UGT1A8: variants seen among roughly 807,000 people sequenced by gnomAD.
UGT1A8 encodes the protein UDP glucuronosyltransferase family 1 member A8, also known as UDP-glucuronosyltransferase 1A8.
In UGT1A8, 39 loss-of-function variants were observed where a neutral mutation model predicts 45.3. That is an observed-to-expected ratio of 0.86 (90% confidence interval 0.67 to 1.12). The LOEUF (loss-of-function observed/expected upper bound fraction) is 1.12. UGT1A8 is among the 50% of genes most tolerant of loss of function. UGT1A8 has a pLI of 0.00. For synonymous variants in UGT1A8, 275 were observed against 249.2 expected, an observed-to-expected ratio of 1.10 and a Z score of -0.97; for missense variants, 719 against 664.9, an observed-to-expected ratio of 1.08 and a Z score of -0.90.
chr2:233,654,622 A>G (rs2073814521), intron 1 of UGT1A8, among the ~76,000 whole-genome samples: 1 of 152,256 alleles, frequency 6.6e-6, no homozygotes, highest in Admixed American at 6.5e-5. Flanking sequence ...TATAAAATGC[A>G]AAACTACTGA....
chr2:233,762,475 C>A (rs1173865347), intron 1 of UGT1A8, among the ~76,000 whole-genome samples: 1 of 152,106 alleles, frequency 6.6e-6, no homozygotes, highest in East Asian at 1.9e-4. Flanking sequence ...ATGGATATCA[C>A]TCCAGTTTTA....
intron 1 of UGT1A8, among the ~76,000 whole-genome samples, chr2:233,728,059 C>T (rs2077678124): frequency 1.3e-5 from 2 of 152,228 alleles, no homozygotes; most frequent in South Asian, 2.1e-4. Context: ...GGCTTGAGGC[C>T]CTTGTGAGTG....
Position 233,713,325 on chromosome 2 carries a change from A to G in UGT1A8, c.856-53709A>G, listed in dbSNP as rs1186303937. The G allele has an allele frequency of 4.3e-6, 7 of 1,614,262 alleles. No individual in the cohort carries two copies. The Middle Eastern group carries it at 6.6e-4, about 152-fold the overall frequency. On this transcript the variant is annotated intron_variant, in intron 1 of 4. Coordinates refer to ENST00000373450, the MANE Select transcript of UGT1A8 (RefSeq NM_019076.5). ...AGAACATCTTCTGATGAAATTTTCT[A>G]GAAGAATGGCAATTATGAACAATAT...
In UGT1A8 at chr2:233,729,557, C is replaced by T. The variant is rs13406898; in HGVS notation, c.856-37477C>T. On this transcript the variant is annotated intron_variant, in intron 1 of 4. Transcript: ENST00000373450. ...GCCCTGATCAGGCACCTGAATGCTA[C>T]TTCCTTTGATGTGGTTTTAACAGAC... is the stretch of plus-strand genomic sequence containing the variant. The T allele has an allele frequency of 1.3e-3, 2,173 of 1,614,146 alleles. 29 individuals carry two copies. The African/African-American group carries it at 0.026, about 19-fold the overall frequency.
chr2:233,670,644 T>A (rs1052619044), intron 1 of UGT1A8, among the ~76,000 whole-genome samples: 9 of 152,216 alleles, frequency 5.9e-5, no homozygotes, highest in African/African-American at 2.2e-4. Flanking sequence ...TGGTGTGGTG[T>A]CTATTCATTC....
chr2:233,617,712 C>T lies in UGT1A8; in HGVS notation c.5C>T (p.Ala2Val), dbSNP rs780577855. 1 of 1,612,224 alleles carries T rather than the reference C, an allele frequency of 6.2e-7. No homozygotes were observed. The change falls in exon 1 of 5, where the codon GCT becomes GTT. Residue 2 changes from alanine (A) to valine (V), a missense_variant. By Grantham distance (64) the Ala-to-Val change is moderately conservative. Coordinates refer to ENST00000373450, the MANE Select transcript of UGT1A8 (RefSeq NM_019076.5). MARTGWTSPIPL... is the reference protein window; with the variant it reads MVRTGWTSPIPL... ...GGCTCGGGCTGCAGTTCTCTCATGG[C>T]TCGCACAGGGTGGACCAGCCCCATT... is the stretch of plus-strand genomic sequence containing the variant.
At chr2:233,625,546 G>A (rs1312654459) in intron 1 of UGT1A8, among the ~76,000 whole-genome samples, 3 of 151,974 alleles carry the variant, frequency 2.0e-5, no homozygotes, top group East Asian at 1.9e-4. Flanking sequence ...CAACCTAGGT[G>A]CCTGTCAATA....
chr2:233,663,947 T>C (rs1471142910), intron 1 of UGT1A8, among the ~76,000 whole-genome samples: 1 of 152,196 alleles, frequency 6.6e-6, no homozygotes, highest in African/African-American at 2.4e-5. Flanking sequence ...GTCATTTCTT[T>C]GTCCTTGCAT....
intron 1 of UGT1A8, among the ~76,000 whole-genome samples, chr2:233,670,232 C>T (rs1490007535): frequency 6.6e-6 from 1 of 152,078 alleles, no homozygotes; most frequent in Non-Finnish European, 1.5e-5. Context: ...GATTGTCCTC[C>T]ATTGAGTAGG....
chr2:233,726,214 T>C (rs560651171), intron 1 of UGT1A8, among the ~76,000 whole-genome samples: 20 of 152,276 alleles, frequency 1.3e-4, no homozygotes, highest in Non-Finnish European at 2.5e-4. Context: ...TTAAAAAGTT[T>C]AGAAAACATT....
chr2:233,617,876 G>A lies in UGT1A8; in HGVS notation c.169G>A (p.Val57Ile), dbSNP rs1375994487. ...KLILRGHEVVVVMPEVSWQLG... is the reference protein window; with the variant it reads ...KLILRGHEVVIVMPEVSWQLG... ...TATCCTCAGGGGGCATGAGGTGGTT[G>A]TAGTCATGCCAGAGGTGAGTTGGCA... The change falls in exon 1 of 5, where the codon GTA becomes ATA. Residue 57 changes from valine (V) to isoleucine (I), a missense_variant. Transcript: ENST00000373450. The A allele has an allele frequency of 6.2e-7, 1 of 1,614,042 alleles. No individual in the cohort carries two copies. Among genetic ancestry groups the A allele is most frequent in the African/African-American group, 1.3e-5 (1 of 74,912 alleles).
chr2:233,709,930 C>G (rs919576895), intron 1 of UGT1A8, among the ~76,000 whole-genome samples: 1 of 151,902 alleles, frequency 6.6e-6, no homozygotes, highest in African/African-American at 2.4e-5. Context: ...CCTTAGGCAA[C>G]CCTGGATGGT....
At chr2:233,757,089 G>A (rs553473050) in intron 1 of UGT1A8, among the ~76,000 whole-genome samples, 2 of 151,514 alleles carry the variant, frequency 1.3e-5, no homozygotes, top group African/African-American at 4.8e-5. Flanking sequence ...AGGGTAAGAG[G>A]CAGAGGGAGG....
chr2:233,717,972 C>A, intron 1 of UGT1A8: 1 of 447,844 alleles, frequency 2.2e-6, no homozygotes, highest in Non-Finnish European at 4.5e-6. Flanking sequence ...CTTTGGCATT[C>A]AGAAGAGGAA....
In UGT1A8 at chr2:233,718,993, C is replaced by A. The variant is rs141408391; in HGVS notation, c.856-48041C>A. 181 of 1,614,090 alleles carry A rather than the reference C, an allele frequency of 1.1e-4. 1 individual carries two copies. Among genetic ancestry groups the A allele is most frequent in the Non-Finnish European group, 1.5e-4 (178 of 1,180,054 alleles). On this transcript the variant is annotated intron_variant, in intron 1 of 4. Transcript: ENST00000373450. ...GAGCTCCATGCCAGAGGCCACCAGGCGGTGGTCCTCACCCCAGAGGTGAAT... is the reference window on the plus strand; with the variant it reads ...GAGCTCCATGCCAGAGGCCACCAGGAGGTGGTCCTCACCCCAGAGGTGAAT...
chr2:233,743,981 G>T, intron 1 of UGT1A8: 1 of 1,297,886 alleles, frequency 7.7e-7, no homozygotes, highest in Non-Finnish European at 1.0e-6. Flanking sequence ...CAGCACCCAG[G>T]CGCAGGCCCG....
intron 1 of UGT1A8, among the ~76,000 whole-genome samples, chr2:233,712,747 C>CA (rs2076252881): frequency 6.6e-6 from 1 of 152,002 alleles, no homozygotes; most frequent in African/African-American, 2.4e-5. Context: ...TTGGATGTTC[C>CA]CCAGAGCGAG....
At chr2:233,754,017 T>C (rs1254861079) in intron 1 of UGT1A8, among the ~76,000 whole-genome samples, 1 of 152,250 alleles carries the variant, frequency 6.6e-6, no homozygotes, top group African/African-American at 2.4e-5. Flanking sequence ...ACAGCCATGA[T>C]AGGAAACGAA....
intron 1 of UGT1A8, among the ~76,000 whole-genome samples, chr2:233,686,535 C>T (rs1362487787): frequency 6.6e-6 from 1 of 152,068 alleles, no homozygotes; most frequent in Non-Finnish European, 1.5e-5. Context: ...AGAACCTAAC[C>T]TTTCCGTGGC....
Sources: allele counts gnomAD v4.1 joint callset (sites outside exome capture counted in the v4.1 genomes callset), GRCh38; gene constraint gnomAD v4.1.1; transcripts MANE v1.5; gene names NCBI Gene and HGNC (gene_info 2026-07-23, HGNC 2026-07-21).